The following CHAF1A variants were observed in gnomAD, a reference collection of about 807,000 sequenced individuals.
CHAF1A encodes the protein chromatin assembly factor 1 subunit A.
A neutral mutation model predicts 93.2 loss-of-function variants in CHAF1A; 5 were observed. That is an observed-to-expected ratio of 0.05 (90% CI 0.03 to 0.11). The LOEUF is 0.11. Ranked by LOEUF, CHAF1A falls within the 10% of genes least tolerant of loss-of-function variation. The pLI is 1.00. For missense variants in CHAF1A, 1,102 were observed against 1,259.9 expected (o/e 0.87, Z 1.90); for synonymous variants, 504 against 510.3 (o/e 0.99, Z 0.17).
chr19:4,442,295 A>AGAG lies in CHAF1A; in HGVS notation c.2732_2734dup (p.Glu911dup), dbSNP rs774378940. On this transcript the variant is annotated inframe_insertion, in exon 14 of 15. Transcript: ENST00000301280. ...TCCAGGCAGACACGGAGGAGGAGGA[A>AGAG]GAGGAGGAGGGCGACTGTATGATCG... 6.2e-7 allele frequency: 1 copy of AGAG among 1,612,898 alleles called. No individual in the cohort carries two copies. Among genetic ancestry groups the AGAG allele is most frequent in the African/African-American group, 1.3e-5 (1 of 74,916 alleles).
chr19:4,429,851 G>A, intron 10 of CHAF1A, 63 bp downstream of exon 10: 2 of 1,424,842 alleles, frequency 1.4e-6, no homozygotes, highest in Non-Finnish European at 1.9e-6. Flanking sequence ...CTGTCCCACA[G>A]TGAGGGGCTA....
chr19:4,407,940 G>C (rs1973710122), intron 2 of CHAF1A, among the ~76,000 whole-genome samples: 1 of 151,672 alleles, frequency 6.6e-6, no homozygotes, highest in Non-Finnish European at 1.5e-5. Context: ...GAGCAAGACT[G>C]TCTCCAAAAG....
rs936176484 is a variant in CHAF1A at position 4,435,077 on chromosome 19, C to CT, written c.2673+1546dup. 4.1e-5 allele frequency among the ~76,000 whole-genome samples: 5 copies of CT among 122,260 alleles called. No individual in the cohort carries two copies. The East Asian group carries it at 7.3e-4, about 18-fold the overall frequency. 80.2% of individuals were successfully genotyped at this position (122,260 alleles called of 152,430 possible). On this transcript the variant is annotated intron_variant, in intron 13 of 14. Coordinates refer to ENST00000301280, the MANE Select transcript of CHAF1A (RefSeq NM_005483.3). ...GTTCGGAAGTGAGTTTCTCTTTTTT[C>CT]TTTTTTTTCCTTTTTTTTTTTTTTT...
chr19:4,436,148 AAAAG>A (rs139396974), intron 13 of CHAF1A, among the ~76,000 whole-genome samples: 8,601 of 151,892 alleles, frequency 0.057, 556 homozygotes, highest in African/African-American at 0.16. Context: ...CCCCAAAAAA[AAAAG>A]AAAAGAAAAG....
At chr19:4,443,599 G>A (rs916699836), downstream of CHAF1A, among the ~76,000 whole-genome samples, 4 of 152,160 alleles carry the variant, frequency 2.6e-5, no homozygotes, top group Non-Finnish European at 5.9e-5. Flanking sequence ...GCTTCTGTCC[G>A]GCGATCCCTC....
At chr19:4,441,275 C>G (rs890928124) in intron 13 of CHAF1A, among the ~76,000 whole-genome samples, 1 of 151,950 alleles carries the variant, frequency 6.6e-6, no homozygotes, top group African/African-American at 2.4e-5. Flanking sequence ...CAAGATCGCA[C>G]CACTGCACTC....
Position 4,405,935 on chromosome 19 carries a change from G to A in CHAF1A, c.76G>A (p.Ala26Thr), listed in dbSNP as rs753430620. 6.2e-7 allele frequency: 1 copy of A among 1,613,494 alleles called. No homozygotes were observed. The highest frequency in any genetic ancestry group is 1.3e-5 in the African/African-American group (1 of 74,904). ...ATAMDCKDRP[A>T]FPVKKLIQAR... is the part of the protein sequence containing the mutation. ...AGCCATGGATTGCAAAGATAGACCAGCTTTTCCAGTTAAGAAGTTAATACA... is the reference window on the plus strand; with the variant it reads ...AGCCATGGATTGCAAAGATAGACCAACTTTTCCAGTTAAGAAGTTAATACA... The change falls in exon 2 of 15, where the codon GCT becomes ACT. Residue 26 changes from alanine (A) to threonine (T), a missense_variant. Coordinates refer to ENST00000301280, the MANE Select transcript of CHAF1A (RefSeq NM_005483.3).
At position 4,409,243 on chromosome 19, in the gene CHAF1A, T is replaced by C. The variant is rs1973743688; in HGVS notation, c.444T>C (p.Asn148=). The C allele has an allele frequency of 6.2e-7, 1 of 1,614,104 alleles. No individual in the cohort carries two copies. Among genetic ancestry groups the C allele is most frequent in the Non-Finnish European group, 8.5e-7 (1 of 1,180,014 alleles). Residue 148 remains asparagine (N), a synonymous_variant, in exon 3 of 15, where the codon AAT becomes AAC. Coordinates refer to ENST00000301280, the MANE Select transcript of CHAF1A (RefSeq NM_005483.3). ...CCTCTCCCTCCAGGGAGGCAATAAA[T>C]GGCCAGCGAGAAGACACTGGGGATC... is the stretch of plus-strand genomic sequence containing the variant. ...SEASPSREAI[N]GQREDTGDQQ... is the part of the protein sequence containing the mutation.
Position 4,423,859 on chromosome 19 carries a change from T to C in CHAF1A, c.1362T>C (p.Thr454=). 6.2e-7 allele frequency: 1 copy of C among 1,613,962 alleles called. No homozygotes were observed. Among genetic ancestry groups the C allele is most frequent in the South Asian group, 1.1e-5 (1 of 91,068 alleles). ...CGAGGTTCTTCCAGAAACCAAAGAC[T>C]CCACAGGCCCCCAAGGTGAGCAGCC... ...EITRFFQKPK[T]PQAPKTLAGS... The change falls in exon 7 of 15, where the codon ACT becomes ACC. Residue 454 remains threonine (T), a synonymous_variant. Transcript: ENST00000301280.
chr19:4,438,408 G>A (rs181968276), intron 13 of CHAF1A, among the ~76,000 whole-genome samples: 257 of 152,042 alleles, frequency 1.7e-3, no homozygotes, highest in African/African-American at 6.0e-3. Context: ...GTGTTGCCCA[G>A]GCTGGTCTTT....
rs1328595028 is a variant in CHAF1A at position 4,428,736 on chromosome 19, C to T, written c.1450C>T (p.Arg484Trp). 1 of 1,614,206 alleles carries T rather than the reference C, an allele frequency of 6.2e-7. No individual in the cohort carries two copies. ...KEHMVLAPRR[R>W]TAFHPDLCSQ... ...GCACATGGTCCTGGCCCCTCGGCGT[C>T]GGACCGCTTTCCATCCAGACCTCTG... The change falls in exon 8 of 15, where the codon CGG becomes TGG. Residue 484 changes from arginine to tryptophan, a missense_variant. Coordinates refer to ENST00000301280, the MANE Select transcript of CHAF1A (RefSeq NM_005483.3).
At chr19:4,425,678 A>G (rs1974068244) in intron 7 of CHAF1A, among the ~76,000 whole-genome samples, 1 of 152,134 alleles carries the variant, frequency 6.6e-6, no homozygotes, top group East Asian at 1.9e-4. Flanking sequence ...TCAGTGGTGT[A>G]GGGGGGGTCC....
At chr19:4,447,216 G>C (rs529057526), downstream of CHAF1A, 101 of 577,338 alleles carry the variant, frequency 1.7e-4, no homozygotes, top group South Asian at 1.8e-3. Flanking sequence ...CAGGACCCCA[G>C]TCCCTGCCCT....
chr19:4,420,146 G>A (rs192644590), intron 4 of CHAF1A, among the ~76,000 whole-genome samples: 102 of 152,294 alleles, frequency 6.7e-4, no homozygotes, highest in African/African-American at 2.3e-3. Flanking sequence ...ACTGAAAGCT[G>A]AGCTGTCAGG....
downstream of CHAF1A, chr19:4,447,937 G>A (rs1974572159): frequency 6.0e-6 from 3 of 497,356 alleles, no homozygotes; most frequent in Admixed American, 6.5e-5. Context: ...CAGAGCTGAA[G>A]GGCCGCAGTG....
chr19:4,428,631 CGAA>C, intron 7 of CHAF1A, 30 bp from the exon 8 acceptor site: 1 of 1,572,580 alleles, frequency 6.4e-7, no homozygotes, highest in Non-Finnish European at 8.7e-7. Flanking sequence ...TCCCATTGCT[CGAA>C]GACCCCATCG....
At chr19:4,434,865 G>T (rs1599660920) in intron 13 of CHAF1A, among the ~76,000 whole-genome samples, 1 of 152,150 alleles carries the variant, frequency 6.6e-6, no homozygotes, top group Non-Finnish European at 1.5e-5. Flanking sequence ...ATGAATGGCT[G>T]TGTGATTCCA....
chr19:4,429,354 C>T (rs1974139578), intron 8 of CHAF1A, 84 bp from the exon 9 acceptor site: 2 of 1,474,268 alleles, frequency 1.4e-6, no homozygotes, highest in East Asian at 2.3e-5. Flanking sequence ...AATTGTTAGG[C>T]CAGCTTCACA....
At chr19:4,417,983 T>A in intron 3 of CHAF1A, 37 bp from the exon 4 acceptor site, 1 of 1,466,512 alleles carries the variant, frequency 6.8e-7, no homozygotes, top group Non-Finnish European at 9.4e-7. Context: ...GCAATTGAAA[T>A]AACCCGTGTT....
Sources: allele counts gnomAD v4.1 joint callset (sites outside exome capture counted in the v4.1 genomes callset), GRCh38; gene constraint gnomAD v4.1.1; transcripts MANE v1.5; gene names NCBI Gene and HGNC (gene_info 2026-07-23, HGNC 2026-07-21).